Variants in SETBP1 observed in about 807,000 individuals in gnomAD.
The protein encoded by SETBP1 is SET binding protein 1, also known as SET-binding protein.
A neutral mutation model predicts 101.0 loss-of-function variants in SETBP1; 9 were observed. The observed-to-expected ratio is 0.09, with a 90% CI of 0.05 to 0.16. The LOEUF (loss-of-function observed/expected upper bound fraction) is 0.16, where lower values mean the gene tolerates loss of function less well. Ranked by LOEUF, SETBP1 falls within the 10% of genes least tolerant of loss-of-function variation. SETBP1 has a pLI of 1.00. For missense variants in SETBP1, 1,858 were observed against 2,033.8 expected (o/e 0.91, Z 1.66); for synonymous variants, 818 against 788.5 (o/e 1.04, Z -0.63).
chr18:44,720,296 A>C (rs2069558339), intron 2 of SETBP1, among the ~76,000 whole-genome samples: 1 of 152,266 alleles, frequency 6.6e-6, no homozygotes, highest in East Asian at 1.9e-4. Flanking sequence ...GGACATCACC[A>C]TAGAAATACC....
rs1254703468 is a variant in SETBP1 at position 45,063,525 on chromosome 18, C to T, written c.4618C>T (p.Pro1540Ser). ...LPPPPPPPLP[P>S]PPPLPKTPRG... ...GCCACCGCCGCCACCACCCCTGCCC[C>T]CGCCACCCCCTCTACCCAAGACCCC... Residue 1540 changes from proline (P) to serine (S), a missense_variant, in exon 6 of 6, where the codon CCG becomes TCG. This residue lies in a region of SETBP1 where 178 missense variants were observed against 189.1 expected (regional missense o/e 0.94). Transcript: ENST00000649279. The T allele has an allele frequency of 7.3e-7, 1 of 1,376,840 alleles. No homozygotes were observed. The highest frequency in any genetic ancestry group is 2.8e-5 in the East Asian group (1 of 35,496). The allele number at this position is 1,376,840 out of a possible 1,614,324, so 85.3% of individuals were successfully genotyped here. A position where few individuals can be genotyped will look rare whatever the true frequency, so the allele number is the denominator to read the frequency against.
chr18:44,793,504 C>T lies in SETBP1; in HGVS notation c.487-75726C>T, dbSNP rs140252242. Among the ~76,000 whole-genome samples, 24 of 152,306 alleles carry T rather than the reference C, an allele frequency of 1.6e-4. No homozygotes were observed. The East Asian group carries it at 3.3e-3, about 21-fold the overall frequency. ...GCATTACCTGGGAACTTGTTAGAAACGCCTATACTTGGACCCCACCCCAGA... is the reference window on the plus strand; with the variant it reads ...GCATTACCTGGGAACTTGTTAGAAATGCCTATACTTGGACCCCACCCCAGA... On this transcript the variant is annotated intron_variant, in intron 2 of 5. Transcript: ENST00000649279.
chr18:44,705,920 C>T (rs569574231), intron 2 of SETBP1, among the ~76,000 whole-genome samples: 5 of 152,260 alleles, frequency 3.3e-5, no homozygotes, highest in South Asian at 2.1e-4. Context: ...CAAGGATGCA[C>T]GGACTCTTCT....
At chr18:44,823,744 T>C (rs2072169267) in intron 2 of SETBP1, among the ~76,000 whole-genome samples, 2 of 152,190 alleles carry the variant, frequency 1.3e-5, no homozygotes, top group East Asian at 1.9e-4. Flanking sequence ...GGGGATGATA[T>C]ATATAGGAGA....
intron 2 of SETBP1, among the ~76,000 whole-genome samples, chr18:44,802,326 C>A (rs1226447009): frequency 6.6e-6 from 1 of 152,148 alleles, no homozygotes; most frequent in Non-Finnish European, 1.5e-5. Context: ...AACCTTTGTG[C>A]AGATGGCTTT....
At chr18:44,764,475 T>TTTC (rs797003254) in intron 2 of SETBP1, among the ~76,000 whole-genome samples, 5 of 152,062 alleles carry the variant, frequency 3.3e-5, no homozygotes, top group South Asian at 4.2e-4. Flanking sequence ...GTTCTTCTTC[T>TTTC]TTCTTCTTCT....
At chr18:44,728,078 T>C (rs1243162536) in intron 2 of SETBP1, among the ~76,000 whole-genome samples, 1 of 152,208 alleles carries the variant, frequency 6.6e-6, no homozygotes, top group African/African-American at 2.4e-5. Flanking sequence ...AGCAAAGTCT[T>C]CTCTCATTTA....
intron 5 of SETBP1, among the ~76,000 whole-genome samples, chr18:45,043,703 G>A (rs1261253756): frequency 1.3e-5 from 2 of 152,172 alleles, no homozygotes; most frequent in Non-Finnish European, 1.5e-5. Flanking sequence ...AGGGACTAAT[G>A]TTAGGGAAAT....
chr18:45,038,281 G>T (rs998521526), intron 4 of SETBP1, among the ~76,000 whole-genome samples: 1 of 152,180 alleles, frequency 6.6e-6, no homozygotes, highest in Non-Finnish European at 1.5e-5. Context: ...AACCTAGAAT[G>T]ACAACACTCC....
chr18:44,981,889 A>T (rs967121422), intron 4 of SETBP1, among the ~76,000 whole-genome samples: 5 of 152,240 alleles, frequency 3.3e-5, no homozygotes, highest in African/African-American at 1.2e-4. Context: ...TTAGCAGTAA[A>T]AACAACAGGG....
At chr18:44,851,970 C>T (rs1324174455) in intron 2 of SETBP1, among the ~76,000 whole-genome samples, 5 of 152,222 alleles carry the variant, frequency 3.3e-5, no homozygotes, top group African/African-American at 7.2e-5. Context: ...GGCTCACGGC[C>T]TTCCACGCCC....
chr18:44,945,152 C>T (rs1354864377), intron 3 of SETBP1, among the ~76,000 whole-genome samples: 2 of 152,098 alleles, frequency 1.3e-5, no homozygotes, highest in Non-Finnish European at 2.9e-5. Context: ...CTCCGCTCCC[C>T]GCCCACCACC....
At chr18:44,868,714 GGAAGGAAGGAA>G (rs2069194582) in intron 2 of SETBP1, among the ~76,000 whole-genome samples, 2 of 4,272 alleles carry the variant, frequency 4.7e-4, no homozygotes, top group Admixed American at 1.5e-3. Context: ...AAGGAAGGGA[GGAAGGAAGGAA>G]GGAAGGAAGG....
intron 3 of SETBP1, among the ~76,000 whole-genome samples, chr18:44,880,550 AG>A (rs2069507109): frequency 6.6e-6 from 1 of 152,228 alleles, no homozygotes; most frequent in African/African-American, 2.4e-5. Context: ...ATTTATTTAA[AG>A]AAAAGGTTTA....
chr18:45,024,223 G>A (rs1040648207), intron 4 of SETBP1, among the ~76,000 whole-genome samples: 25 of 152,102 alleles, frequency 1.6e-4, no homozygotes, highest in African/African-American at 5.8e-4. Flanking sequence ...CTGTAATAGG[G>A]ATTTCATTTG....
chr18:45,050,852 C>T (rs573044627), intron 5 of SETBP1, among the ~76,000 whole-genome samples: 1 of 152,308 alleles, frequency 6.6e-6, no homozygotes, highest in East Asian at 1.9e-4. Flanking sequence ...TTTTGTTACT[C>T]AAAAATTCTC....
intron 3 of SETBP1, among the ~76,000 whole-genome samples, chr18:44,894,453 G>A (rs562984189): frequency 9.2e-5 from 14 of 151,606 alleles, no homozygotes; most frequent in African/African-American, 3.4e-4. Context: ...TAGTAATATT[G>A]GGCTTGTTGG....
chr18:44,714,632 A>G (rs1294015134), intron 2 of SETBP1, among the ~76,000 whole-genome samples: 1 of 151,650 alleles, frequency 6.6e-6, no homozygotes, highest in Non-Finnish European at 1.5e-5. Flanking sequence ...GTGCGCATGC[A>G]CGTGTGAGCG....
chr18:44,869,477 C>G, intron 3 of SETBP1, 194 bp downstream of exon 3: 1 of 641,332 alleles, frequency 1.6e-6, no homozygotes, highest in East Asian at 2.8e-5. Flanking sequence ...GACAAAACCA[C>G]CTCTTTCTGC....
Sources: gnomAD v4.1 joint callset for allele counts (sites outside exome capture counted in the v4.1 genomes callset) on GRCh38, gnomAD v4.1.1 for gene constraint, gnomAD v4.1.1 regional missense constraint, MANE v1.5 for transcripts, NCBI Gene and HGNC (gene_info 2026-07-23, HGNC 2026-07-21) for gene names.